The following CDH2 variants were observed in gnomAD, a reference collection of about 807,000 sequenced individuals.
CDH2 encodes the protein cadherin-2.
A neutral mutation model predicts 92.0 loss-of-function variants in CDH2; 17 were observed. The observed-to-expected ratio is 0.18, with a 90% CI of 0.13 to 0.28. The LOEUF is 0.28. CDH2 is among the 10% of genes least tolerant of loss of function. CDH2 has a pLI of 1.00. For synonymous variants in CDH2, 419 were observed against 415.9 expected (o/e 1.01, Z -0.09); for missense variants, 862 against 1,133.1 (o/e 0.76, Z 3.44).
At chr18:28,035,209 T>C (rs2013797011) in intron 2 of CDH2, among the ~76,000 whole-genome samples, 2 of 152,032 alleles carry the variant, frequency 1.3e-5, no homozygotes, top group Non-Finnish European at 2.9e-5. Context: ...TCATTCTTTA[T>C]TCAGTTTTCT....
chr18:28,037,216 T>C (rs2013850676), intron 2 of CDH2, among the ~76,000 whole-genome samples: 1 of 152,180 alleles, frequency 6.6e-6, no homozygotes, highest in South Asian at 2.1e-4. Context: ...AAATGCATTT[T>C]ATGTAAAATG....
At chr18:28,073,827 C>T (rs182252409) in intron 2 of CDH2, among the ~76,000 whole-genome samples, 7 of 152,006 alleles carry the variant, frequency 4.6e-5, no homozygotes, top group African/African-American at 1.5e-4. Flanking sequence ...TTAATATGCC[C>T]GAGGTCCACT....
intron 13 of CDH2, among the ~76,000 whole-genome samples, chr18:27,984,783 C>A (rs989651591): frequency 3.3e-5 from 5 of 152,210 alleles, no homozygotes; most frequent in African/African-American, 9.6e-5. Context: ...AAGAGGCATG[C>A]TGAGGCAGCT....
chr18:28,135,514 G>A (rs965157117), intron 2 of CDH2, among the ~76,000 whole-genome samples: 8 of 152,178 alleles, frequency 5.3e-5, no homozygotes, highest in African/African-American at 1.9e-4. Flanking sequence ...ATCATTAGTG[G>A]AGTGAAAATA....
intron 9 of CDH2, among the ~76,000 whole-genome samples, chr18:27,992,053 C>T (rs983491015): frequency 1.1e-4 from 17 of 152,154 alleles, no homozygotes; most frequent in African/African-American, 3.1e-4. Flanking sequence ...CATTTCTTAA[C>T]GTCTCGGAAA....
intron 15 of CDH2, among the ~76,000 whole-genome samples, chr18:27,955,369 T>TAAA (rs760993428): frequency 9.7e-5 from 3 of 31,010 alleles, no homozygotes; most frequent in Non-Finnish European, 2.2e-4. Context: ...AGTATAATAG[T>TAAA]AAAAAAAAAA....
chr18:28,013,233 T>C (rs1030288986), intron 3 of CDH2, among the ~76,000 whole-genome samples: 2 of 152,200 alleles, frequency 1.3e-5, no homozygotes, highest in African/African-American at 4.8e-5. Context: ...GTAGTATAAA[T>C]AATTCATACC....
intron 1 of CDH2, among the ~76,000 whole-genome samples, chr18:28,159,665 T>G (rs555859014): frequency 2.8e-4 from 42 of 151,678 alleles, no homozygotes; most frequent in African/African-American, 5.8e-4. Flanking sequence ...TTTGTTTTTT[T>G]TTTTTTTTTG....
At position 28,077,816 on chromosome 18, in the gene CDH2, G is replaced by A. The variant is rs935531263; in HGVS notation, c.173-63907C>T. Among the ~76,000 whole-genome samples the A allele has an allele frequency of 3.4e-5, 5 of 146,114 alleles. 1 individual carries two copies. In the South Asian group the frequency reaches 6.5e-4, roughly 19 times the overall value. On this transcript the variant is annotated intron_variant, in intron 2 of 15. Coordinates refer to ENST00000269141, the MANE Select transcript of CDH2 (RefSeq NM_001792.5). ...TGAGGCAGGAGAATTGCTTGAACCC[G>A]GGAGTTGGAGGTTGCACTGAGCTGA...
At chr18:28,036,689 G>A in intron 2 of CDH2, 2 of 648,490 alleles carry the variant, frequency 3.1e-6, no homozygotes, top group South Asian at 1.9e-5. Context: ...AATACTGACC[G>A]TCAGCAAAAC....
chr18:27,955,042 A>G (rs1054811655), intron 15 of CDH2, among the ~76,000 whole-genome samples: 10 of 152,210 alleles, frequency 6.6e-5, no homozygotes, highest in African/African-American at 2.4e-4. Flanking sequence ...TGGGTCCCTG[A>G]AAACAAATAT....
At chr18:27,940,524 T>C (rs1009117092) in intron 6 of CDH2, among the ~76,000 whole-genome samples, 1 of 152,196 alleles carries the variant, frequency 6.6e-6, no homozygotes, top group Admixed American at 6.5e-5. Flanking sequence ...AGCTTTTTCT[T>C]GTGCTTTATT....
At chr18:27,988,467 T>C (rs1191098144) in intron 11 of CDH2, 57 bp downstream of exon 11, 5 of 1,475,002 alleles carry the variant, frequency 3.4e-6, no homozygotes, top group Non-Finnish European at 4.7e-6. Context: ...TTCCTGAGCA[T>C]GCATGATGAG....
intron 2 of CDH2, among the ~76,000 whole-genome samples, chr18:28,025,609 T>C (rs1230353631): frequency 6.6e-6 from 1 of 151,036 alleles, no homozygotes; most frequent in Non-Finnish European, 1.5e-5. Context: ...TTATTATTTT[T>C]ATTAATTTTA....
chr18:28,005,335 T>C (rs2012884399), intron 6 of CDH2, among the ~76,000 whole-genome samples: 1 of 152,186 alleles, frequency 6.6e-6, no homozygotes, highest in Non-Finnish European at 1.5e-5. Flanking sequence ...TGAAAATAAC[T>C]GTCCTGTGGA....
In CDH2 at chr18:28,013,797, G is replaced by C; in HGVS notation, c.285C>G (p.Leu95=). 2 of 1,613,996 alleles carry C rather than the reference G, an allele frequency of 1.2e-6. No homozygotes were observed. The highest frequency in any genetic ancestry group is 1.7e-6 in the Non-Finnish European group (2 of 1,179,904). The change falls in exon 3 of 16, where the codon CTC becomes CTG. Residue 95 remains leucine (L), a synonymous_variant. Transcript: ENST00000269141. ...TCAGGAACTTGGCATGCTCAGAAGA[G>C]AGTGGAAAGCTTCTCACGGCATACA... The part of the protein sequence containing the change: ...GMVYAVRSFP[L]SSEHAKFLIY...
intron 1 of CDH2, among the ~76,000 whole-genome samples, chr18:28,167,716 T>C (rs934794532): frequency 2.4e-4 from 36 of 152,260 alleles, no homozygotes; most frequent in Admixed American, 2.2e-3. Context: ...TCCACTTCTA[T>C]GTATATTTTC....
intron 2 of CDH2, among the ~76,000 whole-genome samples, chr18:28,080,491 CT>C (rs2014808257): frequency 6.6e-6 from 1 of 151,946 alleles, no homozygotes; most frequent in Non-Finnish European, 1.5e-5. Context: ...ATAACTAGGT[CT>C]TTCAAAAATT....
intron 2 of CDH2, among the ~76,000 whole-genome samples, chr18:28,020,960 A>G (rs1450210189): frequency 3.3e-5 from 5 of 151,998 alleles, no homozygotes; most frequent in African/African-American, 1.2e-4. Flanking sequence ...CAAGAAGTAA[A>G]GTTTATTAAG....
Sources: gnomAD v4.1 joint callset for allele counts (sites outside exome capture counted in the v4.1 genomes callset) on GRCh38, gnomAD v4.1.1 for gene constraint, MANE v1.5 for transcripts, NCBI Gene and HGNC (gene_info 2026-07-23, HGNC 2026-07-21) for gene names.